Variants in ADGRD1 observed in about 807,000 individuals in gnomAD.
The protein encoded by ADGRD1 is adhesion G protein-coupled receptor D1, also known as G-protein coupled receptor 133.
In ADGRD1, 77 loss-of-function variants were observed where a neutral mutation model predicts 113.4. The observed-to-expected ratio is 0.68, with a 90% CI of 0.57 to 0.82. The LOEUF is 0.82. ADGRD1 is among the 40% of genes least tolerant of loss of function. The pLI, the probability that ADGRD1 is intolerant of heterozygous loss-of-function variation, is 0.00. For missense variants in ADGRD1, 1,036 were observed against 1,139.1 expected, an observed-to-expected ratio of 0.91 and a Z score of 1.30; for synonymous variants, 474 against 475.0, an observed-to-expected ratio of 1.00 and a Z score of 0.03.
At chr12:131,038,105 A>G (rs938176732) in intron 13 of ADGRD1, among the ~76,000 whole-genome samples, 1 of 151,294 alleles carries the variant, frequency 6.6e-6, no homozygotes, top group African/African-American at 2.4e-5. Flanking sequence ...CTTACTCACT[A>G]CACTGGGTCT....
chr12:131,067,338 G>A (rs571479184), intron 13 of ADGRD1, among the ~76,000 whole-genome samples: 37 of 152,260 alleles, frequency 2.4e-4, no homozygotes, highest in African/African-American at 7.5e-4. Context: ...TTGCCACCCC[G>A]AGCAAAAAAC....
At chr12:131,076,598 T>TG (rs1353238660) in intron 13 of ADGRD1, among the ~76,000 whole-genome samples, 1 of 149,358 alleles carries the variant, frequency 6.7e-6, no homozygotes, top group Non-Finnish European at 1.5e-5. Context: ...TTGGGTGGGT[T>TG]GGGGAGGGCA....
chr12:131,009,211 A>G (rs915153923), intron 12 of ADGRD1, among the ~76,000 whole-genome samples: 1 of 152,242 alleles, frequency 6.6e-6, no homozygotes, highest in African/African-American at 2.4e-5. Flanking sequence ...GGAGACGTCC[A>G]TGCCTCCTGT....
intron 16 of ADGRD1, 103 bp from the exon 17 acceptor site, chr12:131,105,651 C>A: frequency 2.5e-6 from 2 of 795,018 alleles, no homozygotes; most frequent in Non-Finnish European, 2.1e-6. Flanking sequence ...CCTCTGGCTG[C>A]TCTTGGAGGA....
At chr12:131,011,286 G>A (rs1000941084) in intron 12 of ADGRD1, among the ~76,000 whole-genome samples, 7 of 151,388 alleles carry the variant, frequency 4.6e-5, no homozygotes, top group South Asian at 2.1e-4. Context: ...GACATCTGGC[G>A]TCGCACTGAT....
In ADGRD1 at chr12:131,104,888, T is replaced by G. The variant is rs1255001348; in HGVS notation, c.1729T>G (p.Ser577Ala). ...TATCAGCTATGTGGGCTGCTCCCTC[T>G]CCGTGCTCTGCCTGGTGGCCACGCT... ...SSISYVGCSL[S>A]VLCLVATLVT... is the part of the protein sequence containing the mutation. Residue 577 changes from serine (S) to alanine (A), a missense_variant, in exon 16 of 25, where the codon TCC (serine) becomes GCC (alanine). Coordinates refer to ENST00000261654, the MANE Select transcript of ADGRD1 (RefSeq NM_198827.5). 1.3e-6 allele frequency: 2 copies of G among 1,551,440 alleles called. No homozygotes were observed. Among genetic ancestry groups the G allele is most frequent in the Non-Finnish European group, 1.7e-6 (2 of 1,147,292 alleles).
intron 4 of ADGRD1, chr12:130,978,411 A>G (rs1035960199): frequency 6.6e-6 from 1 of 152,200 alleles, no homozygotes; most frequent in Non-Finnish European, 1.5e-5. Flanking sequence ...TTCAGTGCTT[A>G]TAACAAGAAA....
In ADGRD1 at chr12:131,136,996, T is replaced by C. The variant is rs1053369583; in HGVS notation, c.2418T>C (p.His806=). The part of the protein sequence containing the change: ...SLQGLFIFLF[H]CLLNSEVRAA... ...AGGGACTGTTCATATTCCTCTTTCA[T>C]TGTCTCCTGAATTCAGAGGTACGTC... Residue 806 remains histidine, a synonymous_variant, in exon 23 of 25, where the codon CAT becomes CAC. Coordinates refer to ENST00000261654, the MANE Select transcript of ADGRD1 (RefSeq NM_198827.5). 5.6e-6 allele frequency: 9 copies of C among 1,612,516 alleles called. No homozygotes were observed. Among genetic ancestry groups the C allele is most frequent in the Non-Finnish European group, 7.6e-6 (9 of 1,178,522 alleles).
chr12:131,094,291 G>A (rs1034474556), intron 15 of ADGRD1, among the ~76,000 whole-genome samples: 67 of 152,194 alleles, frequency 4.4e-4, no homozygotes, highest in African/African-American at 1.4e-3. Flanking sequence ...GTGGGGTGGG[G>A]TGGAGCAGGC....
chr12:131,065,875 C>T (rs904233022), intron 13 of ADGRD1, among the ~76,000 whole-genome samples: 2 of 152,224 alleles, frequency 1.3e-5, no homozygotes, highest in African/African-American at 2.4e-5. Context: ...GCCCCCATCT[C>T]CCAGGTTAGG....
chr12:130,961,548 TAAG>T (rs1870361608), intron 2 of ADGRD1, among the ~76,000 whole-genome samples: 1 of 152,176 alleles, frequency 6.6e-6, no homozygotes, highest in South Asian at 2.1e-4. Flanking sequence ...CTGACCTGCC[TAAG>T]AAGACGTTTA....
intron 13 of ADGRD1, among the ~76,000 whole-genome samples, chr12:131,015,178 T>C (rs1878409114): frequency 6.6e-6 from 1 of 152,264 alleles, no homozygotes; most frequent in African/African-American, 2.4e-5. Flanking sequence ...CCTGGGTGGG[T>C]GCTTCTGTTC....
At chr12:131,006,137 A>G (rs1593342778) in intron 12 of ADGRD1, 90 bp downstream of exon 12, 2 of 1,084,390 alleles carry the variant, frequency 1.8e-6, no homozygotes, top group African/African-American at 1.5e-5. Context: ...CACACGCACA[A>G]CACTGAGAAC....
At chr12:131,123,096 G>A (rs548806956) in intron 20 of ADGRD1, among the ~76,000 whole-genome samples, 9 of 103,248 alleles carry the variant, frequency 8.7e-5, no homozygotes, top group South Asian at 3.3e-4. Flanking sequence ...TCGCTCTGTC[G>A]CCCAGGCTGG....
rs1198237510 is a variant in ADGRD1 at position 131,096,950 on chromosome 12, G to C, written c.1672-7881G>C. The stretch of plus-strand genomic sequence containing the variant: ...TGATGGGAGGGGAGGAGGCCCAGCA[G>C]CTCTTCTCTCGCCCCTACACGTGGC... On this transcript the variant is annotated intron_variant, in intron 15 of 24. Coordinates refer to ENST00000261654, the MANE Select transcript of ADGRD1 (RefSeq NM_198827.5). This position sits in a 1 kb window ranked among gnomAD's most constrained non-coding sequence, Gnocchi z 5.2. 6.6e-6 allele frequency among the ~76,000 whole-genome samples: 1 copy of C among 152,150 alleles called. No individual in the cohort carries two copies. Among genetic ancestry groups the C allele is most frequent in the East Asian group, 1.9e-4 (1 of 5,178 alleles).
At chr12:131,135,558 C>G (rs35839714) in intron 21 of ADGRD1, among the ~76,000 whole-genome samples, 1 of 152,162 alleles carries the variant, frequency 6.6e-6, no homozygotes, top group Non-Finnish European at 1.5e-5. Flanking sequence ...GGCTGCAGCC[C>G]AGTGAGGCCT....
intron 12 of ADGRD1, among the ~76,000 whole-genome samples, chr12:131,011,902 C>T (rs576017559): frequency 5.7e-4 from 87 of 152,276 alleles, no homozygotes; most frequent in African/African-American, 1.8e-3. Context: ...GAGTCGCGTG[C>T]GGGGCGGGGA....
intron 4 of ADGRD1, among the ~76,000 whole-genome samples, chr12:130,975,944 C>T (rs927579945): frequency 2.0e-5 from 3 of 152,190 alleles, no homozygotes; most frequent in Admixed American, 6.5e-5. Flanking sequence ...CTTCACCTTC[C>T]TCCCTCTGTG....
intron 13 of ADGRD1, among the ~76,000 whole-genome samples, chr12:131,053,116 C>T (rs909798253): frequency 3.9e-5 from 6 of 152,214 alleles, no homozygotes; most frequent in Non-Finnish European, 7.3e-5. Flanking sequence ...GGCACTGGGA[C>T]CTCCCAAGTC....
Sources: allele counts gnomAD v4.1 joint callset (sites outside exome capture counted in the v4.1 genomes callset), GRCh38; gene constraint gnomAD v4.1.1; non-coding constraint Gnocchi (gnomAD v3.1); transcripts MANE v1.5; gene names NCBI Gene and HGNC (gene_info 2026-07-23, HGNC 2026-07-21).